Variants in SYCE1L observed in about 807,000 individuals in gnomAD.
SYCE1L encodes the protein synaptonemal complex central element protein 1-like.
Under a neutral mutation model 39.6 loss-of-function variants are expected in SYCE1L, and 51 were observed. The observed-to-expected ratio is 1.29, with a 90% CI of 1.03 to 1.63. The LOEUF is 1.63. Among genes scored for constraint, SYCE1L ranks in the 40% most tolerant of loss-of-function variants. The pLI is 0.00. For synonymous variants in SYCE1L, 147 were observed against 122.4 expected (o/e 1.20, Z -1.33); for missense variants, 426 against 304.9 (o/e 1.40, Z -2.96).
chr16:77,205,433 A>AATATATATATATATATATCTGTATAT (rs145238524), intron 1 of SYCE1L, among the ~76,000 whole-genome samples: 1 of 145,262 alleles, frequency 6.9e-6, no homozygotes, highest in Admixed American at 6.9e-5. Context: ...CATAGAAGTA[A>AATATATATATATATATATCTGTATAT]ATATATATAT....
Position 77,199,430 on chromosome 16 carries a change from C to T in SYCE1L, c.-22C>T, listed in dbSNP as rs966668005. ...TTAACCAGTCATCAAGCGAGGCTCG[C>T]GCGCAGGCCCCGCGTTGGAAAATGG... is the stretch of plus-strand genomic sequence containing the variant. On this transcript the variant is annotated 5_prime_UTR_variant, in exon 1 of 11. Coordinates refer to ENST00000378644, the MANE Select transcript of SYCE1L (RefSeq NM_001129979.3). 2.3e-5 allele frequency: 35 copies of T among 1,551,166 alleles called. No individual in the cohort carries two copies. In the East Asian group the frequency reaches 5.6e-4, roughly 25 times the overall value.
At position 77,212,602 on chromosome 16, in the gene SYCE1L, G is replaced by C. The variant is rs886604393; in HGVS notation, c.610G>C (p.Glu204Gln). 6.5e-7 allele frequency: 1 copy of C among 1,536,296 alleles called. No homozygotes were observed. The highest frequency in any genetic ancestry group is 1.4e-5 in the African/African-American group (1 of 73,066). Residue 204 changes from glutamate (E) to glutamine (Q), a missense_variant, in exon 10 of 11, where the codon GAG becomes CAG. Physicochemically the swap from Glu to Gln is conservative, Grantham distance 29. Transcript: ENST00000378644. ...GLKAELEIFG[E>Q]QVRSAPEVGA... ...GAAGGCGGAGCTGGAGATATTCGGG[G>C]AGCAGGTCCGGAGCGCCCCCGAGGT...
chr16:77,210,187 G>A (rs528795574), intron 6 of SYCE1L, among the ~76,000 whole-genome samples: 1 of 152,254 alleles, frequency 6.6e-6, no homozygotes, highest in East Asian at 1.9e-4. Flanking sequence ...TTACAGGCAT[G>A]TGCCACCATG....
chr16:77,212,842 C>A lies in SYCE1L; in HGVS notation c.655-15C>A. The stretch of plus-strand genomic sequence containing the variant: ...CGTAGGAACCTGGTCCGCAGCCTCA[C>A]CCAGCCCCCGGCAGGCCGGACCTGA... On this transcript the variant is annotated splice_polypyrimidine_tract_variant and intron_variant, in intron 10 of 10. Coordinates refer to ENST00000378644, the MANE Select transcript of SYCE1L (RefSeq NM_001129979.3). 1 of 1,477,912 alleles carries A rather than the reference C, an allele frequency of 6.8e-7. No individual in the cohort carries two copies. The highest frequency in any genetic ancestry group is 9.0e-7 in the Non-Finnish European group (1 of 1,115,328). 91.5% of individuals were successfully genotyped at this position (1,477,912 alleles called of 1,614,324 possible). A position where few individuals can be genotyped will look rare whatever the true frequency, so the allele number is the denominator to read the frequency against.
At chr16:77,203,670 C>T (rs2054763412) in intron 1 of SYCE1L, among the ~76,000 whole-genome samples, 1 of 146,608 alleles carries the variant, frequency 6.8e-6, no homozygotes, top group Non-Finnish European at 1.5e-5. Flanking sequence ...TCTCGGCTCA[C>T]CGCAACCTCC....
chr16:77,205,150 C>T (rs1444936198), intron 1 of SYCE1L, among the ~76,000 whole-genome samples: 5 of 151,610 alleles, frequency 3.3e-5, no homozygotes, highest in Non-Finnish European at 1.5e-5. Flanking sequence ...CTAGTGGCCT[C>T]TGAGGAGGAG....
chr16:77,206,977 A>T (rs1485108030), intron 2 of SYCE1L, among the ~76,000 whole-genome samples: 1 of 152,182 alleles, frequency 6.6e-6, no homozygotes, highest in Non-Finnish European at 1.5e-5. Context: ...TGAGACCCCC[A>T]GCCCATTCTC....
At chr16:77,212,004 A>C in intron 7 of SYCE1L, 126 bp from the exon 8 acceptor site, 1 of 1,107,216 alleles carries the variant, frequency 9.0e-7, no homozygotes. Context: ...CATTGAGTTA[A>C]TAAATAGTTG....
chr16:77,200,274 G>GTATATATATATATATATA (rs1229854135), intron 1 of SYCE1L: 23 of 113,556 alleles, frequency 2.0e-4, no homozygotes, highest in African/African-American at 6.7e-4. Flanking sequence ...ATATATATGT[G>GTATATATATATATATATA]TATATATATA....
chr16:77,204,648 C>T (rs991713983), intron 1 of SYCE1L, among the ~76,000 whole-genome samples: 8 of 152,084 alleles, frequency 5.3e-5, no homozygotes, highest in African/African-American at 1.9e-4. Context: ...AGTGGAATGC[C>T]ATGCAGCCAC....
At chr16:77,200,070 G>C (rs535355382) in intron 1 of SYCE1L, 8 of 151,888 alleles carry the variant, frequency 5.3e-5, no homozygotes, top group African/African-American at 1.7e-4. Flanking sequence ...GGAGGCTCAC[G>C]CCTGTAATCC....
Position 77,209,131 on chromosome 16 carries a change from G to A in SYCE1L, c.291G>A (p.Leu97=), listed in dbSNP as rs1192535652. The A allele has an allele frequency of 2.6e-6, 4 of 1,551,318 alleles. No individual in the cohort carries two copies. The highest frequency in any genetic ancestry group is 1.4e-5 in the African/African-American group (1 of 72,970). The change falls in exon 5 of 11, where the codon TTG becomes TTA. Residue 97 remains leucine, a synonymous_variant. Coordinates refer to ENST00000378644, the MANE Select transcript of SYCE1L (RefSeq NM_001129979.3). ...AGAAAGTGCACCTAGAGGAGGTCTT[G>A]GGCAAAAAGCAAGGTATTTACCAGT... ...NGEKVHLEEV[L]GKKQEALRIL...
intron 1 of SYCE1L, chr16:77,200,300 T>A (rs1272506455): frequency 3.4e-5 from 2 of 58,396 alleles, no homozygotes; most frequent in Admixed American, 1.5e-4. Flanking sequence ...ATACACACAC[T>A]AATCAGCCGG....
At chr16:77,208,960 T>A in intron 4 of SYCE1L, 137 bp from the exon 5 acceptor site, 1 of 900,476 alleles carries the variant, frequency 1.1e-6, no homozygotes, top group Non-Finnish European at 1.8e-6. Flanking sequence ...TGGGAGATGG[T>A]TGCAAGGGTG....
rs920475120 is a variant in SYCE1L, at chr16:77,212,859, C to T, written c.657C>T (p.Ala219=). 6 of 1,507,962 alleles carry T rather than the reference C, an allele frequency of 4.0e-6. No individual in the cohort carries two copies. The highest frequency in any genetic ancestry group is 1.4e-5 in the African/African-American group (1 of 71,316). The allele number at this position is 1,507,962 out of a possible 1,614,324, so 93.4% of individuals were successfully genotyped here. Residue 219 remains alanine (A), a splice_region_variant and synonymous_variant, in exon 11 of 11, where the codon GCC becomes GCT. Coordinates refer to ENST00000378644, the MANE Select transcript of SYCE1L (RefSeq NM_001129979.3). ...CAGCCTCACCCAGCCCCCGGCAGGCCGGACCTGAGCTCCCCCGCGCTCGCG... is the reference window on the plus strand; with the variant it reads ...CAGCCTCACCCAGCCCCCGGCAGGCTGGACCTGAGCTCCCCCGCGCTCGCG... The part of the protein sequence containing the change: ...APEVGAGEGE[A]GPELPRARDE...
chr16:77,209,418 G>T lies in SYCE1L; in HGVS notation c.306G>T (p.Glu102Asp). Residue 102 changes from glutamate to aspartate, a missense_variant and splice_region_variant, in exon 6 of 11, where the codon GAG becomes GAT. Glu to Asp is a conservative substitution (Grantham distance 45). Coordinates refer to ENST00000378644, the MANE Select transcript of SYCE1L (RefSeq NM_001129979.3). ...HLEEVLGKKQEALRILQMHCQ... is the reference protein window; with the variant it reads ...HLEEVLGKKQDALRILQMHCQ... ...GTCCCCTTGGTTCCTTCCCCACAGAGGCACTGAGGATCCTCCAGATGCACT... is the reference window on the plus strand; with the variant it reads ...GTCCCCTTGGTTCCTTCCCCACAGATGCACTGAGGATCCTCCAGATGCACT... 6.4e-7 allele frequency: 1 copy of T among 1,551,682 alleles called. No homozygotes were observed.
Position 77,208,239 on chromosome 16 carries a change from C to G in SYCE1L, c.151C>G (p.Leu51Val), listed in dbSNP as rs1169563929. ...EGSLEPQIED[L>V]ISRINDLQQA... ...AAGCCTGGAGCCACAGATAGAGGAC[C>G]TGATTAGCCGGATTAATGATCTTCA... Residue 51 changes from leucine (L) to valine (V), a missense_variant, in exon 3 of 11, where the codon CTG becomes GTG. Transcript: ENST00000378644. 6.4e-7 allele frequency: 1 copy of G among 1,551,546 alleles called. No individual in the cohort carries two copies. Among genetic ancestry groups the G allele is most frequent in the African/African-American group, 1.4e-5 (1 of 73,042 alleles).
At chr16:77,202,448 T>C (rs2054752781) in intron 1 of SYCE1L, 1 of 152,244 alleles carries the variant, frequency 6.6e-6, no homozygotes, top group Non-Finnish European at 1.5e-5. Flanking sequence ...TGTGTGTGTG[T>C]GTCAAAATGT....
At chr16:77,212,045 C>T (rs2054826072) in intron 7 of SYCE1L, 85 bp from the exon 8 acceptor site, 3 of 1,421,926 alleles carry the variant, frequency 2.1e-6, no homozygotes, top group South Asian at 1.4e-5. Flanking sequence ...TAGGTGAAGA[C>T]TTCGCGAGAA....
Sources: allele counts gnomAD v4.1 joint callset (sites outside exome capture counted in the v4.1 genomes callset), GRCh38; gene constraint gnomAD v4.1.1; transcripts MANE v1.5; gene names NCBI Gene and HGNC (gene_info 2026-07-23, HGNC 2026-07-21).